HYCC1: variants seen among roughly 807,000 people sequenced by gnomAD.
HYCC1 encodes hyccin PI4KA lipid kinase complex subunit 1.
the HYCC1 span, among the ~76,000 whole-genome samples, chr7:22,995,700 T>A: frequency 6.6e-6 from 1 of 152,194 alleles, no homozygotes; most frequent in African/African-American, 2.4e-5. Flanking sequence ...AAAGTTTCCT[T>A]ACGGAAGAAT....
the HYCC1 span, among the ~76,000 whole-genome samples, chr7:22,909,425 A>G: frequency 1.3e-5 from 2 of 152,030 alleles, no homozygotes; most frequent in African/African-American, 4.8e-5. Context: ...AGCCAATTAA[A>G]CTTGTTTTCT....
chr7:22,922,093 G>A, the HYCC1 span, among the ~76,000 whole-genome samples: 1 of 150,920 alleles, frequency 6.6e-6, no homozygotes, highest in Non-Finnish European at 1.5e-5. Context: ...TGAGACCCAT[G>A]GAAAACAAAA....
At chr7:22,921,081 G>A in the HYCC1 span, among the ~76,000 whole-genome samples, 60 of 152,282 alleles carry the variant, frequency 3.9e-4, 1 homozygote, top group East Asian at 8.9e-3. Flanking sequence ...GCAGAACTGT[G>A]AGCCAATTAA....
the HYCC1 span, among the ~76,000 whole-genome samples, chr7:22,979,893 A>T: frequency 6.6e-6 from 1 of 152,202 alleles, no homozygotes; most frequent in African/African-American, 2.4e-5. Flanking sequence ...AGATGAAATT[A>T]TGCATTTGAA....
chr7:22,978,308 A>T, the HYCC1 span: 56 of 1,613,986 alleles, frequency 3.5e-5, no homozygotes, highest in Non-Finnish European at 4.7e-5. Flanking sequence ...CAATGCATCC[A>T]CTGCTATGCA....
chr7:22,905,670 C>T, the HYCC1 span, among the ~76,000 whole-genome samples: 91 of 151,974 alleles, frequency 6.0e-4, no homozygotes, highest in East Asian at 0.016. Flanking sequence ...TTATATAATT[C>T]TTTTCAATTT....
the HYCC1 span, among the ~76,000 whole-genome samples, chr7:23,007,899 T>C: frequency 6.6e-6 from 1 of 152,024 alleles, no homozygotes; most frequent in East Asian, 1.9e-4. Context: ...TCTATCTTGG[T>C]TCCCCCTGAA....
the HYCC1 span, among the ~76,000 whole-genome samples, chr7:22,900,663 C>G: frequency 1.1e-4 from 17 of 151,670 alleles, no homozygotes; most frequent in Non-Finnish European, 2.5e-4. Flanking sequence ...AAATGGAATA[C>G]TAGGAAAATT....
the HYCC1 span, among the ~76,000 whole-genome samples, chr7:22,915,660 G>A: frequency 6.6e-6 from 1 of 152,074 alleles, no homozygotes; most frequent in African/African-American, 2.4e-5. Context: ...ACAGTGGAGG[G>A]CAAGTCCATC....
At chr7:22,973,452 A>G in the HYCC1 span, among the ~76,000 whole-genome samples, 532 of 152,324 alleles carry the variant, frequency 3.5e-3, 1 homozygote, top group African/African-American at 0.012. Context: ...ATGAAAACTT[A>G]AAGACATAAA....
chr7:22,985,417 TAAAC>T, the HYCC1 span: 1 of 152,150 alleles, frequency 6.6e-6, no homozygotes, highest in Non-Finnish European at 1.5e-5. Flanking sequence ...ATATTATAGA[TAAAC>T]AAAATAAGAA....
the HYCC1 span, chr7:22,961,113 C>T: frequency 1.7e-5 from 11 of 646,850 alleles, no homozygotes; most frequent in South Asian, 1.9e-4. Flanking sequence ...CCATGTATAA[C>T]AAGAGCATGA....
chr7:22,917,310 C>T, the HYCC1 span, among the ~76,000 whole-genome samples: 2 of 152,228 alleles, frequency 1.3e-5, no homozygotes, highest in South Asian at 4.1e-4. Context: ...ATAACCTCTT[C>T]CATGCAGGTT....
chr7:22,983,325 T>C, the HYCC1 span, among the ~76,000 whole-genome samples: 1 of 132,694 alleles, frequency 7.5e-6, no homozygotes, highest in African/African-American at 2.9e-5. Flanking sequence ...TGAGACCCTG[T>C]CTCAAAAAAA....
At chr7:22,976,195 T>C in the HYCC1 span, 1 of 1,512,788 alleles carries the variant, frequency 6.6e-7, no homozygotes, top group Non-Finnish European at 9.2e-7. Context: ...TAGAAGCACT[T>C]GAATTTTACT....
the HYCC1 span, among the ~76,000 whole-genome samples, chr7:23,008,134 T>C: frequency 6.6e-6 from 1 of 152,046 alleles, no homozygotes; most frequent in Non-Finnish European, 1.5e-5. Flanking sequence ...GCTTTACACA[T>C]GCTATAATTT....
At chr7:22,948,285 A>G in the HYCC1 span, among the ~76,000 whole-genome samples, 4 of 152,082 alleles carry the variant, frequency 2.6e-5, no homozygotes, top group African/African-American at 9.7e-5. Context: ...CTATTTTCAA[A>G]TACTTTCGTG....
the HYCC1 span, chr7:22,940,246 T>TTG: frequency 1.6e-5 from 1 of 62,448 alleles, no homozygotes; most frequent in Admixed American, 1.5e-4. Flanking sequence ...GTTTTTTTTT[T>TTG]TTTTTTTTTT....
chr7:22,933,302 G>A, the HYCC1 span, among the ~76,000 whole-genome samples: 2 of 152,068 alleles, frequency 1.3e-5, no homozygotes, highest in African/African-American at 4.8e-5. Context: ...CAAATTGTCG[G>A]TTTCTCCCTT....
Sources: allele counts gnomAD v4.1 joint callset (sites outside exome capture counted in the v4.1 genomes callset), GRCh38; gene constraint gnomAD v4.1.1; transcripts MANE v1.5; gene names NCBI Gene and HGNC (gene_info 2026-07-23, HGNC 2026-07-21).